Variants in KREMEN1 observed in about 807,000 individuals in gnomAD.
KREMEN1 encodes the protein kremen protein 1.
Under a neutral mutation model 46.5 loss-of-function variants are expected in KREMEN1, and 30 were observed. The ratio of observed to expected loss-of-function variants is 0.65; its 90% confidence interval spans 0.48 to 0.88. The LOEUF (loss-of-function observed/expected upper bound fraction) is 0.88, where lower values mean the gene tolerates loss of function less well. Ranked by LOEUF, KREMEN1 falls within the 40% of genes least tolerant of loss-of-function variation. KREMEN1 has a pLI of 0.00. For synonymous variants in KREMEN1, 214 were observed against 230.6 expected (o/e 0.93, Z 0.65); for missense variants, 533 against 596.9 (o/e 0.89, Z 1.11).
downstream of KREMEN1, among the ~76,000 whole-genome samples, chr22:29,147,793 G>T (rs373611247): frequency 4.6e-5 from 7 of 152,324 alleles, no homozygotes; most frequent in African/African-American, 1.7e-4. Context: ...CACTCCCAGG[G>T]CAGGGGCACG....
intron 3 of KREMEN1, among the ~76,000 whole-genome samples, chr22:29,106,204 T>C (rs551372417): frequency 5.3e-5 from 8 of 149,876 alleles, no homozygotes; most frequent in African/African-American, 1.2e-4. Flanking sequence ...AAAAAGCACT[T>C]ATATTCACAT....
intron 3 of KREMEN1, among the ~76,000 whole-genome samples, chr22:29,114,566 G>A (rs1045801614): frequency 6.6e-6 from 1 of 151,102 alleles, no homozygotes; most frequent in East Asian, 1.9e-4. Flanking sequence ...CAGCAAGAAG[G>A]TTTTGGTCTG....
At chr22:29,117,741 G>A (rs5752867) in intron 3 of KREMEN1, among the ~76,000 whole-genome samples, 54,884 of 152,034 alleles carry the variant, frequency 0.36, 11,391 homozygotes, top group East Asian at 0.64. Flanking sequence ...AAGGACTTCA[G>A]CTGATAGTGG....
Position 29,098,913 on chromosome 22 carries a change from T to C in KREMEN1, c.312T>C (p.Asp104=). 3 of 1,614,106 alleles carry C rather than the reference T, an allele frequency of 1.9e-6. No individual in the cohort carries two copies. Among genetic ancestry groups the C allele is most frequent in the Non-Finnish European group, 2.5e-6 (3 of 1,179,962 alleles). ...SPWCYVAEHE[D]GVYWKYCEIP... ...GGTGCTATGTGGCAGAGCACGAGGA[T>C]GGTGTCTACTGGAAGTACTGTGAGA... Residue 104 remains aspartate (D), a synonymous_variant, in exon 3 of 9, where the codon GAT becomes GAC. Transcript: ENST00000400335.
At chr22:29,121,266 G>T (rs996809679) in intron 3 of KREMEN1, 91 bp from the exon 4 acceptor site, 7 of 1,471,222 alleles carry the variant, frequency 4.8e-6, no homozygotes, top group South Asian at 2.4e-5. Flanking sequence ...AATACTGGCT[G>T]AGATGAAAGT....
chr22:29,094,428 G>C lies in KREMEN1; in HGVS notation c.260+8G>C, dbSNP rs1364752724. 6.2e-7 allele frequency: 1 copy of C among 1,609,262 alleles called. No individual in the cohort carries two copies. The highest frequency in any genetic ancestry group is 8.5e-7 in the Non-Finnish European group (1 of 1,178,022). On this transcript the variant is annotated splice_region_variant and intron_variant, in intron 2 of 8. Coordinates refer to ENST00000400335, the MANE Select transcript of KREMEN1 (RefSeq NM_001039570.3). ...TGAGCACAACTATTGCAGGTAAGATGGGGCCACTCAGTACTTTAAAAAGAT... is the reference window on the plus strand; with the variant it reads ...TGAGCACAACTATTGCAGGTAAGATCGGGCCACTCAGTACTTTAAAAAGAT...
At chr22:29,113,695 G>A (rs1257206424) in intron 3 of KREMEN1, among the ~76,000 whole-genome samples, 5 of 152,114 alleles carry the variant, frequency 3.3e-5, no homozygotes, top group African/African-American at 1.2e-4. Flanking sequence ...CACTGTAAAA[G>A]GCCACCTGCT....
rs938507936 is a variant in KREMEN1 at position 29,146,795 on chromosome 22, T to A, written c.*4683T>A. The A allele has an allele frequency of 3.1e-6, 3 of 970,582 alleles. No homozygotes were observed. Among genetic ancestry groups the A allele is most frequent in the Non-Finnish European group, 3.7e-6 (3 of 816,102 alleles). The allele number at this position is 970,582 out of a possible 1,614,324, so 60.1% of individuals were successfully genotyped here. A position where few individuals can be genotyped will look rare whatever the true frequency, so the allele number is the denominator to read the frequency against. ...TGTTATTTTTACTTTCTGGAAAAAA[T>A]AAATATTCTCATTGTTGTAGAAAGA... On this transcript the variant is annotated 3_prime_UTR_variant, in exon 9 of 9. Coordinates refer to ENST00000400335, the MANE Select transcript of KREMEN1 (RefSeq NM_001039570.3).
intron 3 of KREMEN1, among the ~76,000 whole-genome samples, chr22:29,112,899 G>A (rs2038174390): frequency 6.6e-6 from 1 of 152,190 alleles, no homozygotes; most frequent in East Asian, 1.9e-4. Context: ...GAAGCAACAT[G>A]ACGTGTCTTC....
At chr22:29,109,108 A>G (rs776871971) in intron 3 of KREMEN1, among the ~76,000 whole-genome samples, 18 of 152,188 alleles carry the variant, frequency 1.2e-4, no homozygotes, top group African/African-American at 2.7e-4. Context: ...TGTTCCTACA[A>G]TGAGGTTTTA....
In KREMEN1 at chr22:29,137,391, C is replaced by G; in HGVS notation, c.681C>G (p.Val227=). 2.6e-6 allele frequency: 4 copies of G among 1,552,882 alleles called. No homozygotes were observed. The highest frequency in any genetic ancestry group is 3.5e-6 in the Non-Finnish European group (4 of 1,141,634). The change falls in exon 6 of 9, where the codon GTC becomes GTG. Residue 227 remains valine (V), a synonymous_variant. Transcript: ENST00000400335. ...ACTACTCAGCCATGTCTTCTGTGGT[C>G]TATTCCCCTGACTTCCCCGACACCT... is the stretch of plus-strand genomic sequence containing the variant. ...GGNYSAMSSV[V]YSPDFPDTYA...
At chr22:29,166,881 C>CAT (rs2039057218) in intron 9 of KREMEN1, among the ~76,000 whole-genome samples, 1 of 151,006 alleles carries the variant, frequency 6.6e-6, no homozygotes, top group Non-Finnish European at 1.5e-5. Context: ...TGCAGTGAGC[C>CAT]ATGATCAGAC....
At chr22:29,131,560 A>ATATATATATATATATATG (rs1240832937) in intron 5 of KREMEN1, among the ~76,000 whole-genome samples, 2 of 69,968 alleles carry the variant, frequency 2.9e-5, no homozygotes, top group African/African-American at 8.4e-5. Flanking sequence ...ATATATATAT[A>ATATATATATATATATATG]TGTGTGTGTG....
intron 9 of KREMEN1, among the ~76,000 whole-genome samples, chr22:29,166,729 A>G (rs1016927915): frequency 2.6e-5 from 4 of 152,182 alleles, no homozygotes; most frequent in African/African-American, 9.6e-5. Flanking sequence ...ACTTGAGCCC[A>G]GGAGTTTGAG....
chr22:29,083,965 TG>T (rs1244211685), intron 1 of KREMEN1, among the ~76,000 whole-genome samples: 1 of 152,208 alleles, frequency 6.6e-6, no homozygotes, highest in African/African-American at 2.4e-5. Context: ...GCTATTTTTA[TG>T]GTTATTTCTT....
intron 4 of KREMEN1, among the ~76,000 whole-genome samples, chr22:29,123,731 G>A (rs554582739): frequency 3.3e-5 from 5 of 152,248 alleles, no homozygotes; most frequent in South Asian, 2.1e-4. Context: ...TGGAGGTTGC[G>A]GTGAGCCAAC....
At chr22:29,099,239 G>A (rs1455832995) in intron 3 of KREMEN1, 6 of 295,776 alleles carry the variant, frequency 2.0e-5, no homozygotes, top group Non-Finnish European at 2.5e-5. Context: ...TATAGAGAGG[G>A]CAACCGCTCA....
chr22:29,165,449 A>G (rs2039045125), intron 9 of KREMEN1, among the ~76,000 whole-genome samples: 1 of 151,904 alleles, frequency 6.6e-6, no homozygotes, highest in East Asian at 1.9e-4. Context: ...TTTTCACAAC[A>G]TCCAATTGGT....
At chr22:29,112,989 G>A (rs60218842) in intron 3 of KREMEN1, among the ~76,000 whole-genome samples, 2,639 of 152,328 alleles carry the variant, frequency 0.017, 70 homozygotes, top group African/African-American at 0.061. Context: ...GACCGCAGAG[G>A]CTTCCCTCGT....
Sources: allele counts gnomAD v4.1 joint callset (sites outside exome capture counted in the v4.1 genomes callset), GRCh38; gene constraint gnomAD v4.1.1; transcripts MANE v1.5; gene names NCBI Gene and HGNC (gene_info 2026-07-23, HGNC 2026-07-21).